RAPGEF4: variants seen among roughly 807,000 people sequenced by gnomAD.
RAPGEF4 encodes RAP guanine-nucleotide-exchange factor (GEF) 4.
Under a neutral mutation model 147.9 loss-of-function variants are expected in RAPGEF4, and 66 were observed. That is an observed-to-expected ratio of 0.45 (90% CI 0.37 to 0.55). The LOEUF is 0.55. RAPGEF4 is among the 20% of genes least tolerant of loss of function. RAPGEF4 has a pLI of 0.00. For synonymous variants in RAPGEF4, 419 were observed against 442.7 expected, an observed-to-expected ratio of 0.95 and a Z score of 0.67; for missense variants, 1,071 against 1,257.3, an observed-to-expected ratio of 0.85 and a Z score of 2.24.
At chr2:172,779,310 G>A (rs1161907278) in intron 1 of RAPGEF4, among the ~76,000 whole-genome samples, 1 of 152,168 alleles carries the variant, frequency 6.6e-6, no homozygotes, top group African/African-American at 2.4e-5. Flanking sequence ...GCTGTTGAGA[G>A]GACTGTGGTT....
At chr2:172,846,781 G>T (rs1692246161) in intron 4 of RAPGEF4, among the ~76,000 whole-genome samples, 1 of 152,178 alleles carries the variant, frequency 6.6e-6, no homozygotes, top group South Asian at 2.1e-4. Context: ...TGGGTCACAG[G>T]AGCAGACACA....
intron 1 of RAPGEF4, among the ~76,000 whole-genome samples, chr2:172,761,950 G>A (rs1018348251): frequency 2.0e-5 from 3 of 151,958 alleles, no homozygotes; most frequent in Non-Finnish European, 4.4e-5. Context: ...GGTAAAACCC[G>A]TCCCTAAATT....
intron 21 of RAPGEF4, 111 bp downstream of exon 21, chr2:173,017,615 C>A (rs974736781): frequency 2.0e-5 from 21 of 1,043,192 alleles, no homozygotes; most frequent in African/African-American, 3.2e-5. Flanking sequence ...GCCCTGTTGC[C>A]CTCCAGATGG....
intron 3 of RAPGEF4, among the ~76,000 whole-genome samples, chr2:172,806,349 G>T (rs760851581): frequency 1.3e-5 from 2 of 152,104 alleles, no homozygotes; most frequent in Non-Finnish European, 2.9e-5. Context: ...GAAAGCATTA[G>T]TATTTACCCA....
intron 4 of RAPGEF4, among the ~76,000 whole-genome samples, chr2:172,834,608 T>TTTC (rs933264185): frequency 9.9e-5 from 15 of 152,080 alleles, no homozygotes; most frequent in African/African-American, 1.4e-4. Flanking sequence ...CAACTGCTTT[T>TTTC]TTCTTCTTCT....
intron 1 of RAPGEF4, among the ~76,000 whole-genome samples, chr2:172,787,861 C>A (rs186143784): frequency 6.6e-6 from 1 of 152,230 alleles, no homozygotes; most frequent in East Asian, 1.9e-4. Flanking sequence ...CTCAAGCAAC[C>A]CTCCCACCTT....
rs1222040314 is a variant in RAPGEF4 at position 172,987,993 on chromosome 2, G to T, written c.1151-203G>T. ...AAACCTATGTTTTAGGGCATAGCAAGGAATGCAGTGTTTCTCTTTCTTTTG... is the reference window on the plus strand; with the variant it reads ...AAACCTATGTTTTAGGGCATAGCAATGAATGCAGTGTTTCTCTTTCTTTTG... On this transcript the variant is annotated intron_variant, in intron 12 of 30. Transcript: ENST00000397081. Among the ~76,000 whole-genome samples, 4 of 152,362 alleles carry T rather than the reference G, an allele frequency of 2.6e-5. No homozygotes were observed. The East Asian group carries it at 7.7e-4, about 29-fold the overall frequency.
chr2:172,918,827 T>C (rs1398200871), intron 5 of RAPGEF4, among the ~76,000 whole-genome samples: 1 of 152,154 alleles, frequency 6.6e-6, no homozygotes, highest in Non-Finnish European at 1.5e-5. Flanking sequence ...TCCCTGCATC[T>C]TCAGAGCCAC....
rs61756296 is a variant in RAPGEF4, at chr2:173,030,235, G to A, written c.2630G>A (p.Arg877His). 92 of 1,612,934 alleles carry A rather than the reference G, an allele frequency of 5.7e-5. No individual in the cohort carries two copies. The highest frequency in any genetic ancestry group is 2.0e-4 in the Admixed American group (12 of 60,012). Residue 877 changes from arginine to histidine, a missense_variant, in exon 26 of 31, where the codon CGC (arginine) becomes CAC (histidine). Transcript: ENST00000397081. ...GGACTAAGTAACGTTGCTGTGAGCCGCTTGGCACTAACGTGGGAGGTAAGC... is the reference window on the plus strand; with the variant it reads ...GGACTAAGTAACGTTGCTGTGAGCCACTTGGCACTAACGTGGGAGGTAAGC... ...VMGLSNVAVS[R>H]LALTWEKLPS...
intron 17 of RAPGEF4, among the ~76,000 whole-genome samples, chr2:173,003,836 C>T (rs1165114482): frequency 6.6e-6 from 1 of 152,178 alleles, no homozygotes; most frequent in Non-Finnish European, 1.5e-5. Flanking sequence ...AGAACACCTG[C>T]AAGCAACAGG....
At chr2:172,763,454 A>G (rs965397837) in intron 1 of RAPGEF4, among the ~76,000 whole-genome samples, 1 of 152,220 alleles carries the variant, frequency 6.6e-6, no homozygotes, top group Admixed American at 6.5e-5. Context: ...ATGAGAAATC[A>G]GATCAGACTT....
At chr2:172,752,505 C>T (rs906071269) in intron 1 of RAPGEF4, among the ~76,000 whole-genome samples, 1 of 152,170 alleles carries the variant, frequency 6.6e-6, no homozygotes, top group Non-Finnish European at 1.5e-5. Context: ...GATGTTAGGG[C>T]ACCATATGTA....
chr2:172,911,584 G>A (rs1427437550), intron 4 of RAPGEF4, among the ~76,000 whole-genome samples: 2 of 151,474 alleles, frequency 1.3e-5, no homozygotes, highest in Non-Finnish European at 2.9e-5. Flanking sequence ...TCAGCCTCCC[G>A]AGTAGCTGGA....
chr2:172,925,112 TG>T (rs1167400373), intron 6 of RAPGEF4, among the ~76,000 whole-genome samples: 3 of 152,208 alleles, frequency 2.0e-5, no homozygotes, highest in African/African-American at 7.2e-5. Flanking sequence ...CCTGAGTAGC[TG>T]GGACTACAGG....
intron 4 of RAPGEF4, among the ~76,000 whole-genome samples, chr2:172,841,108 A>G (rs953741014): frequency 1.3e-5 from 2 of 152,158 alleles, no homozygotes; most frequent in Admixed American, 6.5e-5. Context: ...GGGCTCCACA[A>G]AGTCTCATGT....
chr2:173,000,943 T>G (rs1438953529), intron 16 of RAPGEF4, among the ~76,000 whole-genome samples: 4 of 151,330 alleles, frequency 2.6e-5, no homozygotes, highest in African/African-American at 9.7e-5. Flanking sequence ...ATGTCTTCGT[T>G]CTGCATGTAT....
intron 26 of RAPGEF4, among the ~76,000 whole-genome samples, chr2:173,031,814 A>G (rs139936495): frequency 7.9e-5 from 12 of 152,314 alleles, no homozygotes; most frequent in African/African-American, 2.9e-4. Context: ...TTCATCATTT[A>G]TAAGCCTTTG....
chr2:172,832,640 G>A lies in RAPGEF4; in HGVS notation c.444+18215G>A, dbSNP rs866285937. Among the ~76,000 whole-genome samples, 11 of 152,204 alleles carry A rather than the reference G, an allele frequency of 7.2e-5. 1 individual carries two copies. Among genetic ancestry groups the A allele is most frequent in the Middle Eastern group, 6.8e-3 (2 of 294 alleles). ...CTACATAATTTGAACTTCCTAGCTC[G>A]GACATGTGTATATATTTCATTCTTA... On this transcript the variant is annotated intron_variant, in intron 4 of 30. Coordinates refer to ENST00000397081, the MANE Select transcript of RAPGEF4 (RefSeq NM_007023.4).
chr2:172,897,544 A>G (rs1698609243), intron 4 of RAPGEF4, among the ~76,000 whole-genome samples: 3 of 151,964 alleles, frequency 2.0e-5, no homozygotes, highest in Admixed American at 1.3e-4. Context: ...GACTACAGGC[A>G]TATGCCACCA....
Sources: gnomAD v4.1 joint callset for allele counts (sites outside exome capture counted in the v4.1 genomes callset) on GRCh38, gnomAD v4.1.1 for gene constraint, MANE v1.5 for transcripts, NCBI Gene and HGNC (gene_info 2026-07-23, HGNC 2026-07-21) for gene names.